Variants in BRINP1 observed in about 807,000 individuals in gnomAD.
BRINP1 encodes BMP/retinoic acid inducible neural specific 1, also known as BMP/retinoic acid-inducible neural-specific protein 1.
Under a neutral mutation model 72.9 loss-of-function variants are expected in BRINP1, and 17 were observed. The observed-to-expected ratio is 0.23, with a 90% CI of 0.16 to 0.35. BRINP1 has a LOEUF of 0.35. Ranked by LOEUF, BRINP1 falls within the 10% of genes least tolerant of loss-of-function variation. The pLI is 1.00. For missense variants in BRINP1, 850 were observed against 1,001.6 expected (o/e 0.85, Z 2.04); for synonymous variants, 418 against 378.5 (o/e 1.10, Z -1.21).
At chr9:119,169,929 T>C (rs964792396) in intron 7 of BRINP1, among the ~76,000 whole-genome samples, 1 of 151,808 alleles carries the variant, frequency 6.6e-6, no homozygotes, top group South Asian at 2.1e-4. Flanking sequence ...TCCTATCTGT[T>C]AGAAGGAAAA....
At chr9:119,211,439 C>T (rs1271863491) in intron 6 of BRINP1, among the ~76,000 whole-genome samples, 5 of 151,650 alleles carry the variant, frequency 3.3e-5, no homozygotes, top group African/African-American at 9.7e-5. Context: ...TCAGGTGATC[C>T]GCCCTTCTTG....
rs1015311286 is a variant in BRINP1, at chr9:119,295,334, C to T, written c.218+17804G>A. Among the ~76,000 whole-genome samples, 6 of 152,036 alleles carry T rather than the reference C, an allele frequency of 3.9e-5. No homozygotes were observed. In the South Asian group the frequency reaches 6.2e-4, roughly 16 times the overall value. The stretch of plus-strand genomic sequence containing the variant: ...GGACAGGAATACATTCTGAGAAATA[C>T]ATCAGTAGATGATTTTGTCATTGTA... On this transcript the variant is annotated intron_variant, in intron 2 of 7. Transcript: ENST00000265922.
At chr9:119,355,341 T>C (rs1351783460) in intron 1 of BRINP1, among the ~76,000 whole-genome samples, 2 of 152,230 alleles carry the variant, frequency 1.3e-5, no homozygotes, top group African/African-American at 4.8e-5. Flanking sequence ...ACTTACTATA[T>C]GTGAGGCATG....
intron 2 of BRINP1, among the ~76,000 whole-genome samples, chr9:119,294,171 A>G (rs982423705): frequency 6.6e-6 from 1 of 152,230 alleles, no homozygotes. Flanking sequence ...TTACAATAGT[A>G]AGAAAAAGTA....
At chr9:119,343,658 T>C (rs1438915069) in intron 1 of BRINP1, among the ~76,000 whole-genome samples, 1 of 152,114 alleles carries the variant, frequency 6.6e-6, no homozygotes, top group Non-Finnish European at 1.5e-5. Context: ...AGTAAATCAT[T>C]CCTCCCTCAC....
At chr9:119,329,569 T>G (rs562685842) in intron 1 of BRINP1, among the ~76,000 whole-genome samples, 2 of 152,284 alleles carry the variant, frequency 1.3e-5, no homozygotes, top group Admixed American at 1.3e-4. Context: ...CTCAAGGTTC[T>G]CCTCACACCA....
chr9:119,243,208 C>A (rs1238959994), intron 3 of BRINP1, among the ~76,000 whole-genome samples: 1 of 152,046 alleles, frequency 6.6e-6, no homozygotes, highest in Non-Finnish European at 1.5e-5. Flanking sequence ...CCTAACGCTC[C>A]CCCACCCTAC....
chr9:119,208,825 T>C lies in BRINP1; in HGVS notation c.1039A>G (p.Ser347Gly). 3 of 1,614,178 alleles carry C rather than the reference T, an allele frequency of 1.9e-6. No homozygotes were observed. The highest frequency in any genetic ancestry group is 2.5e-6 in the Non-Finnish European group (3 of 1,180,030). Residue 347 changes from serine to glycine, a missense_variant, in exon 7 of 8, where the codon AGT becomes GGT. Ser to Gly is a moderately conservative substitution (Grantham distance 56, BLOSUM62 0). Transcript: ENST00000265922. ...DLQNRYKLLQ[S>G]ATEAQRQKIQ... is the part of the protein sequence containing the mutation. ...TTTTGTCTCTGTGCCTCCGTGGCAC[T>C]CTGCAGGAGCTTGTAGCGGTTCTGC...
intron 1 of BRINP1, among the ~76,000 whole-genome samples, chr9:119,361,656 T>G (rs1178492115): frequency 6.6e-6 from 1 of 152,060 alleles, no homozygotes; most frequent in East Asian, 1.9e-4. Flanking sequence ...AGCCTCACTC[T>G]GTCACCCAGG....
intron 7 of BRINP1, among the ~76,000 whole-genome samples, chr9:119,180,625 T>C (rs1026569401): frequency 1.3e-5 from 2 of 152,158 alleles, no homozygotes; most frequent in African/African-American, 4.8e-5. Flanking sequence ...CTAGTATGAA[T>C]TATAACTGGC....
intron 7 of BRINP1, among the ~76,000 whole-genome samples, chr9:119,180,070 G>T (rs1336753223): frequency 6.6e-6 from 1 of 152,216 alleles, no homozygotes; most frequent in African/African-American, 2.4e-5. Context: ...ACTCCCTGCT[G>T]ATTTTAATTG....
At chr9:119,269,274 T>C (rs1232008095) in intron 2 of BRINP1, among the ~76,000 whole-genome samples, 1 of 152,238 alleles carries the variant, frequency 6.6e-6, no homozygotes, top group African/African-American at 2.4e-5. Context: ...ACTGTGAAAT[T>C]ATCAATACCA....
chr9:119,167,076 G>C lies in BRINP1; in HGVS notation c.*8C>G, dbSNP rs1231755523. On this transcript the variant is annotated 3_prime_UTR_variant, in exon 8 of 8. Transcript: ENST00000265922. This position sits in a 1 kb window ranked among gnomAD's most constrained non-coding sequence, Gnocchi z 4.3. ...CAACAGGAAAAGTCCATGGCAAGGA[G>C]TCCCGGGTTAGCAGAGTTTGGCTGT... 4 of 1,585,640 alleles carry C rather than the reference G, an allele frequency of 2.5e-6. No homozygotes were observed. In the South Asian group the frequency reaches 4.6e-5, roughly 18 times the overall value.
Position 119,265,016 on chromosome 9 carries a change from C to T in BRINP1, c.219-15866G>A, listed in dbSNP as rs569485279. 1.4e-3 allele frequency among the ~76,000 whole-genome samples: 211 copies of T among 152,276 alleles called. 1 individual carries two copies. The highest frequency in any genetic ancestry group is 4.8e-3 in the African/African-American group (199 of 41,558). ...GAATAGGACACTGTCTGTCCTGTCTCCTGTTTTTCTTTTGTTGTTATGCTC... is the reference window on the plus strand; with the variant it reads ...GAATAGGACACTGTCTGTCCTGTCTTCTGTTTTTCTTTTGTTGTTATGCTC... On this transcript the variant is annotated intron_variant, in intron 2 of 7. Coordinates refer to ENST00000265922, the MANE Select transcript of BRINP1 (RefSeq NM_014618.3).
At chr9:119,357,078 C>G (rs1554756904) in intron 1 of BRINP1, among the ~76,000 whole-genome samples, 1 of 152,156 alleles carries the variant, frequency 6.6e-6, no homozygotes, top group Non-Finnish European at 1.5e-5. Flanking sequence ...AGATAGAAGT[C>G]CCACCCCAAG....
chr9:119,363,636 A>AGTAGCTAATG (rs1370497678), intron 1 of BRINP1, among the ~76,000 whole-genome samples: 3 of 152,196 alleles, frequency 2.0e-5, no homozygotes, highest in Non-Finnish European at 4.4e-5. Flanking sequence ...TTACTCATTG[A>AGTAGCTAATG]TTATTCATCT....
chr9:119,200,648 AAAG>A (rs199670223), intron 7 of BRINP1, among the ~76,000 whole-genome samples: 2,481 of 150,614 alleles, frequency 0.016, 59 homozygotes, highest in African/African-American at 0.051. Flanking sequence ...AAAAAAAAAA[AAAG>A]AAAGAAAAGA....
At chr9:119,367,513 G>A (rs1831708285) in intron 1 of BRINP1, among the ~76,000 whole-genome samples, 2 of 152,010 alleles carry the variant, frequency 1.3e-5, no homozygotes, top group African/African-American at 4.8e-5. Context: ...AGAGGCAGCT[G>A]GGAATCAAAT....
intron 1 of BRINP1, among the ~76,000 whole-genome samples, chr9:119,329,022 T>TG (rs1342938868): frequency 1.3e-5 from 2 of 152,136 alleles, no homozygotes; most frequent in South Asian, 4.1e-4. Context: ...AGAGGCATAT[T>TG]GAAGAGCTTG....
Sources: gnomAD v4.1 joint callset for allele counts (sites outside exome capture counted in the v4.1 genomes callset) on GRCh38, gnomAD v4.1.1 for gene constraint, Gnocchi (gnomAD v3.1) non-coding constraint, MANE v1.5 for transcripts, NCBI Gene and HGNC (gene_info 2026-07-23, HGNC 2026-07-21) for gene names.